TBL1Y: variants seen among roughly 807,000 people sequenced by gnomAD.
The protein encoded by TBL1Y is transducin beta like 1 Y-linked.
Under a neutral mutation model 12.0 loss-of-function variants are expected in TBL1Y, and 15 were observed. The observed-to-expected ratio is 1.25, with a 90% CI of 0.83 to 1.92. TBL1Y has a LOEUF of 1.92. TBL1Y is among the 40% of genes most tolerant of loss of function. The pLI is 0.00. For missense variants in TBL1Y, 148 were observed against 116.7 expected, an observed-to-expected ratio of 1.27 and a Z score of -1.24; for synonymous variants, 53 against 42.6, an observed-to-expected ratio of 1.24 and a Z score of -0.95.
chrY:6,929,173 G>A, intron 2 of TBL1Y, among the ~76,000 whole-genome samples: 1 of 32,786 alleles, frequency 3.1e-5, no homozygotes, highest in Non-Finnish European at 7.6e-5. Flanking sequence ...GCCTGAAGGT[G>A]GGATTTCACC....
chrY:6,960,135 C>A (rs2012112623), intron 2 of TBL1Y, among the ~76,000 whole-genome samples: 1 of 33,218 alleles, frequency 3.0e-5, no homozygotes, highest in African/African-American at 1.2e-4. Flanking sequence ...GATGGAGAAG[C>A]CTCCCACGGT....
intron 17 of TBL1Y, among the ~76,000 whole-genome samples, chrY:7,087,667 G>A: frequency 3.0e-5 from 1 of 33,317 alleles, no homozygotes. Flanking sequence ...CTGTCCTCAG[G>A]GCTCTTGGCC....
chrY:6,942,547 G>T, intron 2 of TBL1Y, among the ~76,000 whole-genome samples: 5 of 32,893 alleles, frequency 1.5e-4, no homozygotes, highest in Non-Finnish European at 3.7e-4. Context: ...TGACAAGAGA[G>T]GCAAGAGGAG....
At chrY:7,063,836 G>A in intron 7 of TBL1Y, 61 bp from the exon 8 acceptor site, 4 of 388,414 alleles carry the variant, frequency 1.0e-5, no homozygotes, top group Non-Finnish European at 1.5e-5. Context: ...AGAGAGTAGA[G>A]ACCATTCCCA....
chrY:7,031,817 T>G, intron 6 of TBL1Y, among the ~76,000 whole-genome samples: 1 of 33,184 alleles, frequency 3.0e-5, no homozygotes, highest in African/African-American at 1.2e-4. Flanking sequence ...CCAAGTGAAA[T>G]TAGCCAGTCA....
At chrY:7,064,404 T>G in intron 8 of TBL1Y, among the ~76,000 whole-genome samples, 1 of 33,283 alleles carries the variant, frequency 3.0e-5, no homozygotes, top group Non-Finnish European at 7.4e-5. Flanking sequence ...AGAACTCTCC[T>G]ATAATACATG....
Position 7,009,287 on chromosome Y carries a change from A to G in TBL1Y, c.-139-12162A>G, listed in dbSNP as rs756336713. Among the ~76,000 whole-genome samples, 4 of 34,132 alleles carry G rather than the reference A, an allele frequency of 1.2e-4. No individual in the cohort carries two copies. In the East Asian group the frequency reaches 2.3e-3, roughly 20 times the overall value. 91.6% of individuals were successfully genotyped at this position (34,132 alleles called of 37,273 possible). A position where few individuals can be genotyped will look rare whatever the true frequency, so the allele number is the denominator to read the frequency against. On this transcript the variant is annotated intron_variant, in intron 4 of 18. Coordinates refer to ENST00000383032, the MANE Select transcript of TBL1Y (RefSeq NM_033284.2). ...TAAAAAGCACTGTATGTGTTTAACT[A>G]TGATTTACAGTCATTTATATTAAGA...
chrY:6,947,809 G>C, intron 2 of TBL1Y, among the ~76,000 whole-genome samples: 1 of 33,867 alleles, frequency 3.0e-5, no homozygotes, highest in South Asian at 6.6e-4. Flanking sequence ...AACACTCAAG[G>C]AATTTTGAGA....
chrY:6,923,808 C>T (rs971782772), intron 2 of TBL1Y, among the ~76,000 whole-genome samples: 2 of 33,444 alleles, frequency 6.0e-5, no homozygotes, highest in African/African-American at 1.2e-4. Flanking sequence ...TAAGCCACCA[C>T]GCTGGGCCTA....
At position 7,087,078 on chromosome Y, in the gene TBL1Y, CTT is replaced by C. The variant is rs2013143862; in HGVS notation, c.1281-188_1281-187del. ...TATATATTTTATATATGATATATAT[CTT>C]ATATTTTTTATATAGCTTATATTTT... On this transcript the variant is annotated intron_variant, in intron 16 of 18. Transcript: ENST00000383032. 6.2e-4 allele frequency among the ~76,000 whole-genome samples: 9 copies of C among 14,536 alleles called. No homozygotes were observed. The East Asian group carries it at 0.012, about 19-fold the overall frequency. 39.0% of individuals were successfully genotyped at this position (14,536 alleles called of 37,273 possible).
intron 10 of TBL1Y, among the ~76,000 whole-genome samples, chrY:7,071,177 T>C (rs1027606895): frequency 2.4e-4 from 8 of 33,680 alleles, no homozygotes; most frequent in Admixed American, 2.1e-3. Context: ...AGACAAGAGG[T>C]GCAGTCTAGG....
chrY:7,042,952 C>T, intron 6 of TBL1Y, 28 bp from the exon 7 acceptor site: 1 of 398,206 alleles, frequency 2.5e-6, no homozygotes. Context: ...GGGTCTCACT[C>T]AACGTCAGCT....
Position 7,034,200 on chromosome Y carries a change from C to T in TBL1Y, c.59-8780C>T, listed in dbSNP as rs779302465. ...TATACATCAATAACAGACAAACAAA[C>T]AGCCAAATCATGAGTGAACTCCCAT... On this transcript the variant is annotated intron_variant, in intron 6 of 18. Transcript: ENST00000383032. Among the ~76,000 whole-genome samples the T allele has an allele frequency of 9.1e-5, 3 of 32,791 alleles. No individual in the cohort carries two copies. In the South Asian group the frequency reaches 2.1e-3, roughly 22 times the overall value. The allele number at this position is 32,791 out of a possible 37,273, so 88.0% of individuals were successfully genotyped here. A position where few individuals can be genotyped will look rare whatever the true frequency, so the allele number is the denominator to read the frequency against.
intron 17 of TBL1Y, among the ~76,000 whole-genome samples, chrY:7,088,451 G>A (rs553779075): frequency 2.5e-4 from 8 of 31,974 alleles, no homozygotes; most frequent in African/African-American, 9.8e-4. Flanking sequence ...GCTTCCCAGG[G>A]ACCTCATGTG....
chrY:6,937,936 G>A, intron 2 of TBL1Y, among the ~76,000 whole-genome samples: 1 of 33,333 alleles, frequency 3.0e-5, no homozygotes, highest in Non-Finnish European at 7.4e-5. Context: ...TAGGAAGCTT[G>A]CATTTCCCAA....
chrY:7,003,158 C>A (rs751972966), intron 4 of TBL1Y, among the ~76,000 whole-genome samples: 1 of 34,063 alleles, frequency 2.9e-5, no homozygotes, highest in South Asian at 6.7e-4. Context: ...TCCTACCACA[C>A]TAATCAGTGG....
rs768841486 is a variant in TBL1Y at position 6,929,349 on chromosome Y, AG to A, written c.-266+17182del. Among the ~76,000 whole-genome samples, 10 of 33,391 alleles carry A rather than the reference AG, an allele frequency of 3.0e-4. No homozygotes were observed. The East Asian group carries it at 7.4e-3, about 25-fold the overall frequency. The allele number at this position is 33,391 out of a possible 37,273, so 89.6% of individuals were successfully genotyped here. A position where few individuals can be genotyped will look rare whatever the true frequency, so the allele number is the denominator to read the frequency against. ...GTGCTCATCAGTGCCCAAAGTCTGG[AG>A]GGGGTCAAGGTGGCAAAGGCTGAGC... is the stretch of plus-strand genomic sequence containing the variant. On this transcript the variant is annotated intron_variant, in intron 2 of 18. Transcript: ENST00000383032.
chrY:7,076,149 G>A (rs768127598), intron 13 of TBL1Y, among the ~76,000 whole-genome samples: 728 of 32,683 alleles, frequency 0.022, no homozygotes, highest in Non-Finnish European at 0.041. Flanking sequence ...GGCTGGTCTC[G>A]AACTCCTGAC....
chrY:7,029,385 A>G (rs2012642859), intron 6 of TBL1Y, among the ~76,000 whole-genome samples: 1 of 33,028 alleles, frequency 3.0e-5, no homozygotes, highest in South Asian at 7.1e-4. Flanking sequence ...TGATCCTCCT[A>G]TCTCATCCTC....
Sources: gnomAD v4.1 joint callset for allele counts (sites outside exome capture counted in the v4.1 genomes callset) on GRCh38, gnomAD v4.1.1 for gene constraint, MANE v1.5 for transcripts, NCBI Gene and HGNC (gene_info 2026-07-23, HGNC 2026-07-21) for gene names.